MTOR: variants seen among roughly 807,000 people sequenced by gnomAD.
MTOR encodes serine/threonine-protein kinase mTOR.
MTOR carries 70 observed loss-of-function variants against 319.8 expected under a neutral mutation model. The observed-to-expected ratio is 0.22, with a 90% CI of 0.18 to 0.27. The LOEUF (loss-of-function observed/expected upper bound fraction) is 0.27, where lower values mean the gene tolerates loss of function less well. MTOR is among the 10% of genes least tolerant of loss of function. The pLI is 1.00. For synonymous variants in MTOR, 1,183 were observed against 1,211.4 expected, an observed-to-expected ratio of 0.98 and a Z score of 0.49; for missense variants, 1,890 against 3,274.4, an observed-to-expected ratio of 0.58 and a Z score of 10.32.
intron 30 of MTOR, among the ~76,000 whole-genome samples, chr1:11,153,784 T>A (rs753047751): frequency 6.6e-6 from 1 of 151,878 alleles, no homozygotes; most frequent in Non-Finnish European, 1.5e-5. Context: ...AAAATAGCCA[T>A]AAGGCCGGAT....
chr1:11,134,289 G>T (rs1160015685), intron 37 of MTOR, 62 bp downstream of exon 37: 2 of 1,485,952 alleles, frequency 1.3e-6, no homozygotes, highest in Non-Finnish European at 1.9e-6. Context: ...CCTCCTTGCT[G>T]CAGAAGCTGC....
rs1040342362 is a variant in MTOR, at chr1:11,165,598, CACAA to C, written c.4329+1840_4329+1843del. Among the ~76,000 whole-genome samples the C allele has an allele frequency of 6.0e-3, 906 of 152,108 alleles. 8 individuals are homozygous for C. Among genetic ancestry groups the C allele is most frequent in the African/African-American group, 0.02 (840 of 41,476 alleles). ...CACTGCTCAACGAAATAAAAGAGGA[CACAA>C]ACAAATAGAAGAACATTCCATGCTC... On this transcript the variant is annotated intron_variant, in intron 29 of 57. Coordinates refer to ENST00000361445, the MANE Select transcript of MTOR (RefSeq NM_004958.4).
chr1:11,166,629 C>T (rs901956800), intron 29 of MTOR, among the ~76,000 whole-genome samples: 14 of 152,208 alleles, frequency 9.2e-5, no homozygotes, highest in African/African-American at 3.1e-4. Context: ...AATAGGAACA[C>T]TGTTACACTG....
At chr1:11,216,103 C>T in intron 20 of MTOR, 45 bp downstream of exon 20, 2 of 1,471,778 alleles carry the variant, frequency 1.4e-6, no homozygotes, top group East Asian at 4.5e-5. Flanking sequence ...CTGAGCCTTC[C>T]TTGACCCAAA....
chr1:11,224,694 G>A (rs1369588072), intron 19 of MTOR, among the ~76,000 whole-genome samples: 1 of 152,070 alleles, frequency 6.6e-6, no homozygotes, highest in East Asian at 1.9e-4. Flanking sequence ...CAGCAAGCAT[G>A]AAAGAATCAT....
In MTOR at chr1:11,240,075, C is replaced by T. The variant is rs11811317; in HGVS notation, c.1786+228G>A. 0.034 allele frequency among the ~76,000 whole-genome samples: 5,129 copies of T among 152,222 alleles called. 283 individuals are homozygous for T. The highest frequency in any genetic ancestry group is 0.12 in the African/African-American group (4,810 of 41,504). ...CTGAAGCATTATTTCCTTGGATCAA[C>T]GTATACTTTCCCTCAAACCATTTGC... is the stretch of plus-strand genomic sequence containing the variant. On this transcript the variant is annotated intron_variant, in intron 11 of 57. Coordinates refer to ENST00000361445, the MANE Select transcript of MTOR (RefSeq NM_004958.4).
At chr1:11,125,759 T>C (rs1004273334) in intron 46 of MTOR, among the ~76,000 whole-genome samples, 1 of 118,634 alleles carries the variant, frequency 8.4e-6, no homozygotes, top group Non-Finnish European at 1.7e-5. Context: ...GAGCAAGAGG[T>C]GGCTGGGCGC....
In MTOR at chr1:11,251,151, A is replaced by G. The variant is rs946407525; in HGVS notation, c.840+2688T>C. ...TTCCCGCTTCCCACACAAAGGCCCT[A>G]TGTGATATGCCCCTCCTTCCCTTAG... On this transcript the variant is annotated intron_variant, in intron 6 of 57. Coordinates refer to ENST00000361445, the MANE Select transcript of MTOR (RefSeq NM_004958.4). 4.8e-5 allele frequency among the ~76,000 whole-genome samples: 5 copies of G among 103,410 alleles called. No homozygotes were observed. In the East Asian group the frequency reaches 1.9e-3, roughly 40 times the overall value. The allele number at this position is 103,410 out of a possible 152,430, so 67.8% of individuals were successfully genotyped here.
At position 11,237,177 on chromosome 1, in the gene MTOR, T is replaced by C. The variant is rs113936556; in HGVS notation, c.2208+666A>G. Among the ~76,000 whole-genome samples the C allele has an allele frequency of 2.1e-3, 325 of 151,918 alleles. 3 individuals carry two copies. The highest frequency in any genetic ancestry group is 7.0e-3 in the African/African-American group (291 of 41,426). ...AACATAGAGACCCACAAGAGGCAGG[T>C]GGAAATAACTTCACCAGGCAGGACT... On this transcript the variant is annotated intron_variant, in intron 13 of 57. Transcript: ENST00000361445.
chr1:11,159,380 G>A (rs1389345372), intron 29 of MTOR, among the ~76,000 whole-genome samples: 4 of 152,260 alleles, frequency 2.6e-5, no homozygotes, highest in South Asian at 2.1e-4. Context: ...GGTGACTCAC[G>A]CCTGTAATCC....
intron 28 of MTOR, chr1:11,189,214 G>A: frequency 5.1e-6 from 1 of 196,920 alleles, no homozygotes; most frequent in Non-Finnish European, 1.1e-5. Flanking sequence ...CCCTCCTCTG[G>A]CCTAAGTTGC....
At chr1:11,144,927 A>G (rs1470089008) in intron 33 of MTOR, 41 bp downstream of exon 33, 9 of 1,603,914 alleles carry the variant, frequency 5.6e-6, no homozygotes, top group Non-Finnish European at 7.7e-6. Flanking sequence ...GTATGGAAAT[A>G]AGCCTCAAAA....
chr1:11,107,156 G>C lies in MTOR; in HGVS notation c.*329C>G. The C allele has an allele frequency of 7.2e-7, 1 of 1,387,992 alleles. No homozygotes were observed. Among genetic ancestry groups the C allele is most frequent in the Non-Finnish European group, 9.5e-7 (1 of 1,051,328 alleles). The allele number at this position is 1,387,992 out of a possible 1,614,324, so 86.0% of individuals were successfully genotyped here. A position where few individuals can be genotyped will look rare whatever the true frequency, so the allele number is the denominator to read the frequency against. ...CATTCTTCCATCAGCAAGTACTTATGATGAGTTCTCTTGTGAGTTAAGTCA... is the reference window on the plus strand; with the variant it reads ...CATTCTTCCATCAGCAAGTACTTATCATGAGTTCTCTTGTGAGTTAAGTCA... On this transcript the variant is annotated 3_prime_UTR_variant, in exon 58 of 58. Coordinates refer to ENST00000361445, the MANE Select transcript of MTOR (RefSeq NM_004958.4).
At chr1:11,126,596 T>C in intron 46 of MTOR, 26 bp downstream of exon 46, 1 of 1,608,848 alleles carries the variant, frequency 6.2e-7, no homozygotes, top group Non-Finnish European at 8.5e-7. Flanking sequence ...GAGAAGTGGG[T>C]GACAGAAGTG....
intron 8 of MTOR, among the ~76,000 whole-genome samples, chr1:11,246,433 G>A (rs1648831994): frequency 6.6e-6 from 1 of 152,242 alleles, no homozygotes; most frequent in African/African-American, 2.4e-5. Context: ...GCTGCTGGGT[G>A]CCAGGCCAGA....
chr1:11,249,014 A>G (rs1335150820), intron 6 of MTOR, among the ~76,000 whole-genome samples: 1 of 152,154 alleles, frequency 6.6e-6, no homozygotes, highest in East Asian at 1.9e-4. Flanking sequence ...TCATGAGGTC[A>G]GGAGTTCGAG....
chr1:11,261,931 A>C (rs1450268975), intron 1 of MTOR, among the ~76,000 whole-genome samples: 1 of 152,078 alleles, frequency 6.6e-6, no homozygotes, highest in Non-Finnish European at 1.5e-5. Flanking sequence ...CAAATATCCT[A>C]ATGGTGTTGA....
intron 30 of MTOR, among the ~76,000 whole-genome samples, chr1:11,155,974 T>C (rs1178584201): frequency 6.6e-6 from 1 of 152,124 alleles, no homozygotes; most frequent in Non-Finnish European, 1.5e-5. Context: ...TTTGTTTTAG[T>C]CATTTATTTT....
rs989387737 is a variant in MTOR, at chr1:11,199,658, A to G, written c.3990T>C (p.Asn1330=). The G allele has an allele frequency of 3.7e-6, 6 of 1,614,086 alleles. No individual in the cohort carries two copies. Among genetic ancestry groups the G allele is most frequent in the East Asian group, 2.2e-5 (1 of 44,898 alleles). Residue 1330 remains asparagine, a synonymous_variant, in exon 27 of 58, where the codon AAT becomes AAC. Transcript: ENST00000361445. This position sits in a 1 kb window ranked among gnomAD's most constrained non-coding sequence, Gnocchi z 4.5. ...TGATGAGCTCATCCTGTTGATCTTC[A>G]TTCAGTTCAGACCAGCAGGACACAA... ...AAFVSCWSEL[N]EDQQDELIRS... is the part of the protein sequence containing the mutation.
Sources: gnomAD v4.1 joint callset for allele counts (sites outside exome capture counted in the v4.1 genomes callset) on GRCh38, gnomAD v4.1.1 for gene constraint, Gnocchi (gnomAD v3.1) non-coding constraint, MANE v1.5 for transcripts, NCBI Gene and HGNC (gene_info 2026-07-23, HGNC 2026-07-21) for gene names.